ADAM23: variants seen among roughly 807,000 people sequenced by gnomAD.
ADAM23 encodes disintegrin and metalloproteinase domain-containing protein 23.
A neutral mutation model predicts 120.1 loss-of-function variants in ADAM23; 33 were observed. The observed-to-expected ratio is 0.27, with a 90% CI of 0.21 to 0.37. The LOEUF (loss-of-function observed/expected upper bound fraction) is 0.37, where lower values mean the gene tolerates loss of function less well. Among genes scored for constraint, ADAM23 ranks in the 10% least tolerant of loss-of-function variants. The pLI, the probability that ADAM23 is intolerant of heterozygous loss-of-function variation, is 1.00. For synonymous variants in ADAM23, 367 were observed against 375.2 expected (o/e 0.98, Z 0.25); for missense variants, 862 against 1,058.2 (o/e 0.81, Z 2.57).
intron 23 of ADAM23, among the ~76,000 whole-genome samples, chr2:206,595,403 A>C (rs1698504723): frequency 6.7e-6 from 1 of 150,316 alleles, no homozygotes; most frequent in Admixed American, 6.6e-5. Flanking sequence ...CTGGAGAAAC[A>C]GGGAGGAGAC....
At position 206,491,672 on chromosome 2, in the gene ADAM23, CTGAGA is replaced by C. The variant is rs1298863313; in HGVS notation, c.509+10366_509+10370del. On this transcript the variant is annotated intron_variant, in intron 3 of 25. Transcript: ENST00000264377. ...CAGAGAATTAGATGTGACCAAGCATCTGAGATAAGTTTATTACAGTAGTTACTGAA... is the reference window on the plus strand; with the variant it reads ...CAGAGAATTAGATGTGACCAAGCATCTAAGTTTATTACAGTAGTTACTGAA... Among the ~76,000 whole-genome samples the C allele has an allele frequency of 3.9e-5, 6 of 152,272 alleles. No homozygotes were observed. In the East Asian group the frequency reaches 1.2e-3, roughly 29 times the overall value.
chr2:206,572,423 A>G (rs991094090), intron 17 of ADAM23, among the ~76,000 whole-genome samples: 2 of 152,188 alleles, frequency 1.3e-5, no homozygotes, highest in Admixed American at 6.5e-5. Context: ...ATAACCTCTA[A>G]TATTTCTTAT....
At chr2:206,564,925 A>C (rs1211327006) in intron 13 of ADAM23, 95 bp from the exon 14 acceptor site, 1 of 1,317,696 alleles carries the variant, frequency 7.6e-7, no homozygotes, top group Admixed American at 1.8e-5. Context: ...GGAATTGGTA[A>C]TAAAGAATTA....
intron 6 of ADAM23, among the ~76,000 whole-genome samples, chr2:206,546,994 G>A (rs1003091853): frequency 3.9e-5 from 6 of 152,100 alleles, no homozygotes; most frequent in Non-Finnish European, 8.8e-5. Flanking sequence ...AGCAAGGTGT[G>A]AGAGTGCTTT....
intron 3 of ADAM23, among the ~76,000 whole-genome samples, chr2:206,525,192 C>CT (rs1559247871): frequency 6.6e-6 from 1 of 151,926 alleles, no homozygotes; most frequent in Non-Finnish European, 1.5e-5. Context: ...TTCATCTAGA[C>CT]TTTTTTTTAC....
At chr2:206,453,509 CATTCATTCATATA>C (rs774275023) in intron 2 of ADAM23, among the ~76,000 whole-genome samples, 6 of 152,182 alleles carry the variant, frequency 3.9e-5, no homozygotes, top group Non-Finnish European at 5.9e-5. Context: ...ATGAAAGACT[CATTCATTCATATA>C]ATTCATTCAT....
chr2:206,612,134 A>G (rs1231354418), intron 25 of ADAM23, among the ~76,000 whole-genome samples: 3 of 152,208 alleles, frequency 2.0e-5, no homozygotes, highest in African/African-American at 7.2e-5. Context: ...AATTTGGAGA[A>G]TGTGCTACTC....
At position 206,466,167 on chromosome 2, in the gene ADAM23, A is replaced by T. The variant is rs1188052176; in HGVS notation, c.433-15065A>T. On this transcript the variant is annotated intron_variant, in intron 2 of 25. Transcript: ENST00000264377. ...AGAACATGGAAGTGAACTTTCGGAA[A>T]ATCAAAGATAAACATTATGTTGTTT... is the stretch of plus-strand genomic sequence containing the variant. Among the ~76,000 whole-genome samples, 8 of 152,324 alleles carry T rather than the reference A, an allele frequency of 5.3e-5. No homozygotes were observed. The East Asian group carries it at 1.5e-3, about 29-fold the overall frequency.
At chr2:206,588,713 A>G (rs1364680952) in intron 20 of ADAM23, among the ~76,000 whole-genome samples, 2 of 152,128 alleles carry the variant, frequency 1.3e-5, no homozygotes, top group African/African-American at 2.4e-5. Context: ...CTCTCCAATA[A>G]TATCAGTTCA....
chr2:206,461,475 G>A (rs370562146), intron 2 of ADAM23, among the ~76,000 whole-genome samples: 6 of 152,156 alleles, frequency 3.9e-5, no homozygotes, highest in African/African-American at 1.2e-4. Context: ...AGCCAGTTTT[G>A]GGTAAGACAC....
intron 2 of ADAM23, among the ~76,000 whole-genome samples, chr2:206,458,711 A>C (rs1369108036): frequency 8.5e-5 from 13 of 152,186 alleles, no homozygotes; most frequent in Non-Finnish European, 1.5e-5. Context: ...TCATACTATA[A>C]ATAGCACACG....
At chr2:206,478,149 A>C (rs1695822423) in intron 2 of ADAM23, among the ~76,000 whole-genome samples, 1 of 151,844 alleles carries the variant, frequency 6.6e-6, no homozygotes, top group Non-Finnish European at 1.5e-5. Context: ...TTTGGTATAG[A>C]GAAGAATCTG....
At chr2:206,544,665 T>C (rs1574524572) in intron 6 of ADAM23, among the ~76,000 whole-genome samples, 1 of 147,790 alleles carries the variant, frequency 6.8e-6, no homozygotes, top group East Asian at 2.0e-4. Context: ...TAGGCTGGAG[T>C]GCAGTGGCAC....
intron 18 of ADAM23, among the ~76,000 whole-genome samples, chr2:206,583,725 T>C (rs1445657288): frequency 2.0e-5 from 3 of 152,202 alleles, no homozygotes; most frequent in South Asian, 2.1e-4. Flanking sequence ...TCGTTTTTTC[T>C]TTAAGTTACT....
intron 3 of ADAM23, among the ~76,000 whole-genome samples, chr2:206,519,430 C>CT (rs933643136): frequency 1.3e-5 from 2 of 151,882 alleles, no homozygotes; most frequent in African/African-American, 4.8e-5. Context: ...ACAATCATGA[C>CT]TTTTTTTTAA....
intron 2 of ADAM23, among the ~76,000 whole-genome samples, chr2:206,471,966 T>C (rs1224753160): frequency 6.6e-6 from 1 of 152,234 alleles, no homozygotes. Context: ...TCCAAAGGCT[T>C]GTAATTCAGT....
intron 2 of ADAM23, among the ~76,000 whole-genome samples, chr2:206,449,067 AAG>A (rs1434895101): frequency 1.3e-5 from 2 of 152,114 alleles, no homozygotes; most frequent in Non-Finnish European, 2.9e-5. Context: ...TCTCCAGGCT[AAG>A]AGTGTCAGAA....
At position 206,617,766 on chromosome 2, in the gene ADAM23, A is replaced by G. The variant is rs758157665; in HGVS notation, c.*139A>G. The G allele has an allele frequency of 4.7e-6, 7 of 1,482,244 alleles. No homozygotes were observed. The East Asian group carries it at 1.0e-4, about 22-fold the overall frequency. 91.8% of individuals were successfully genotyped at this position (1,482,244 alleles called of 1,614,324 possible). ...ACTACGGAGCTAAAGTTGGGGTGACAAGGATGGGGTAAAAGAAAACTGTCT... is the reference window on the plus strand; with the variant it reads ...ACTACGGAGCTAAAGTTGGGGTGACGAGGATGGGGTAAAAGAAAACTGTCT... On this transcript the variant is annotated 3_prime_UTR_variant, in exon 26 of 26. Transcript: ENST00000264377.
At chr2:206,558,909 TCATC>T (rs1198532734) in intron 10 of ADAM23, among the ~76,000 whole-genome samples, 3 of 150,840 alleles carry the variant, frequency 2.0e-5, no homozygotes, top group Admixed American at 6.7e-5. Context: ...TGTTCAAAGA[TCATC>T]CATTGGTTTT....
Sources: allele counts gnomAD v4.1 joint callset (sites outside exome capture counted in the v4.1 genomes callset), GRCh38; gene constraint gnomAD v4.1.1; transcripts MANE v1.5; gene names NCBI Gene and HGNC (gene_info 2026-07-23, HGNC 2026-07-21).